DZIP1: variants seen among roughly 807,000 people sequenced by gnomAD.
DZIP1 encodes cilium assembly protein DZIP1.
A neutral mutation model predicts 107.6 loss-of-function variants in DZIP1; 97 were observed. The ratio of observed to expected loss-of-function variants is 0.90; its 90% CI spans 0.77 to 1.07. The LOEUF is 1.07. Among genes scored for constraint, DZIP1 ranks in the 50% least tolerant of loss-of-function variants. The pLI, the probability that DZIP1 is intolerant of heterozygous loss-of-function variation, is 0.00. For synonymous variants in DZIP1, 390 were observed against 386.4 expected, an observed-to-expected ratio of 1.01 and a Z score of -0.11; for missense variants, 1,035 against 1,063.6, an observed-to-expected ratio of 0.97 and a Z score of 0.37.
At chr13:95,617,836 T>C (rs1443854856) in intron 10 of DZIP1, 2 of 505,056 alleles carry the variant, frequency 4.0e-6, no homozygotes, top group African/African-American at 1.9e-5. Context: ...GGAGGCTTAG[T>C]TAATGCAGGG....
At chr13:95,590,858 A>C (rs989164475) in intron 16 of DZIP1, among the ~76,000 whole-genome samples, 1 of 152,154 alleles carries the variant, frequency 6.6e-6, no homozygotes, top group Non-Finnish European at 1.5e-5. Context: ...GACACCTGTG[A>C]GAAAGGAAGC....
chr13:95,611,294 T>C (rs1355235638), intron 12 of DZIP1, 151 bp downstream of exon 12: 1 of 643,558 alleles, frequency 1.6e-6, no homozygotes, highest in Non-Finnish European at 2.8e-6. Flanking sequence ...ATCTCTCAAA[T>C]TAAAATAATA....
intron 13 of DZIP1, among the ~76,000 whole-genome samples, chr13:95,608,205 T>C (rs1240226436): frequency 2.6e-5 from 4 of 152,148 alleles, no homozygotes; most frequent in Non-Finnish European, 5.9e-5. Flanking sequence ...GTGGCATCCA[T>C]ATTTTTTTGA....
intron 9 of DZIP1, among the ~76,000 whole-genome samples, 168 bp downstream of exon 9, chr13:95,622,175 A>G (rs1414593665): frequency 2.0e-5 from 3 of 152,332 alleles, no homozygotes; most frequent in Non-Finnish European, 4.4e-5. Flanking sequence ...CAAGCATGTA[A>G]CAAACACCTC....
intron 11 of DZIP1, 62 bp from the exon 12 acceptor site, chr13:95,611,555 A>T: frequency 7.9e-7 from 1 of 1,258,490 alleles, no homozygotes; most frequent in Non-Finnish European, 1.2e-6. Context: ...CACACATGGG[A>T]TAATGGACAG....
At position 95,641,814 on chromosome 13, in the gene DZIP1, T is replaced by C. The variant is rs1440436406; in HGVS notation, c.78A>G (p.Pro26=). 4 of 1,362,008 alleles carry C rather than the reference T, an allele frequency of 2.9e-6. No individual in the cohort carries two copies. Among genetic ancestry groups the C allele is most frequent in the Non-Finnish European group, 3.8e-6 (4 of 1,052,860 alleles). The allele number at this position is 1,362,008 out of a possible 1,614,324, so 84.4% of individuals were successfully genotyped here. The part of the protein sequence containing the change: ...KHVYYPLASG[P]EGPDVAVAAA... ...CGGCCACAGCGACGTCGGGCCCCTCTGGGCCGCTGGCGAGCGGGTAGTAGA... is the reference window on the plus strand; with the variant it reads ...CGGCCACAGCGACGTCGGGCCCCTCCGGGCCGCTGGCGAGCGGGTAGTAGA... Residue 26 remains proline, a synonymous_variant, in exon 5 of 23, where the codon CCA becomes CCG. Transcript: ENST00000376829. This position sits in a 1 kb window ranked among gnomAD's most constrained non-coding sequence, Gnocchi z 4.3.
At position 95,582,140 on chromosome 13, in the gene DZIP1, A is replaced by G; in HGVS notation, c.*94T>C. ...TCTGTGTTGCTGTGGGAAACACGGTAAGGCAGAAGCACTAGAATCATGGAG... is the reference window on the plus strand; with the variant it reads ...TCTGTGTTGCTGTGGGAAACACGGTGAGGCAGAAGCACTAGAATCATGGAG... On this transcript the variant is annotated 3_prime_UTR_variant, in exon 23 of 23. Coordinates refer to ENST00000376829, the MANE Select transcript of DZIP1 (RefSeq NM_198968.4). 8.4e-7 allele frequency: 1 copy of G among 1,193,616 alleles called. No homozygotes were observed. Among genetic ancestry groups the G allele is most frequent in the African/African-American group, 1.5e-5 (1 of 66,788 alleles). The allele number at this position is 1,193,616 out of a possible 1,614,324, so 73.9% of individuals were successfully genotyped here.
intron 10 of DZIP1, among the ~76,000 whole-genome samples, chr13:95,618,762 C>G (rs754057771): frequency 5.3e-5 from 8 of 152,040 alleles, no homozygotes; most frequent in Non-Finnish European, 8.8e-5. Context: ...GTTTAATATT[C>G]TACTAAGAAA....
chr13:95,601,227 G>C (rs1373241572), intron 14 of DZIP1, among the ~76,000 whole-genome samples: 1 of 152,214 alleles, frequency 6.6e-6, no homozygotes, highest in East Asian at 1.9e-4. Flanking sequence ...ACAAGGGCTG[G>C]GGAAGTGAGG....
chr13:95,635,103 T>C (rs1222502904), intron 5 of DZIP1, among the ~76,000 whole-genome samples: 3 of 152,204 alleles, frequency 2.0e-5, no homozygotes, highest in African/African-American at 4.8e-5. Flanking sequence ...TCACTGAACA[T>C]GTTCTTTTGT....
intron 5 of DZIP1, among the ~76,000 whole-genome samples, chr13:95,640,749 A>G (rs926939168): frequency 6.6e-6 from 1 of 152,206 alleles, no homozygotes; most frequent in African/African-American, 2.4e-5. Context: ...AATATTTAGG[A>G]TCTGCAACTC....
At chr13:95,607,009 C>T (rs2044800254) in intron 13 of DZIP1, among the ~76,000 whole-genome samples, 1 of 152,026 alleles carries the variant, frequency 6.6e-6, no homozygotes, top group Non-Finnish European at 1.5e-5. Context: ...CTAATCTTAC[C>T]CTAAAAAATA....
In DZIP1 at chr13:95,622,204, G is replaced by A. The variant is rs148719845; in HGVS notation, c.1110+139C>T. 6.8e-5 allele frequency: 72 copies of A among 1,059,462 alleles called. 1 individual carries two copies. The East Asian group carries it at 1.7e-3, about 26-fold the overall frequency. The allele number at this position is 1,059,462 out of a possible 1,614,324, so 65.6% of individuals were successfully genotyped here. A position where few individuals can be genotyped will look rare whatever the true frequency, so the allele number is the denominator to read the frequency against. ...ACACCTCTTATGATTTAGGCATGCT[G>A]TAGGAGAAAAATAACAGCTAGTCAC... On this transcript the variant is annotated intron_variant, in intron 9 of 22. Coordinates refer to ENST00000376829, the MANE Select transcript of DZIP1 (RefSeq NM_198968.4).
chr13:95,635,634 G>A (rs548978448), intron 5 of DZIP1, among the ~76,000 whole-genome samples: 3 of 152,240 alleles, frequency 2.0e-5, no homozygotes, highest in African/African-American at 4.8e-5. Flanking sequence ...AAGTCATATA[G>A]GCTCTCGGGC....
intron 12 of DZIP1, 31 bp downstream of exon 12, chr13:95,611,414 T>C (rs1330185306): frequency 3.7e-6 from 6 of 1,602,174 alleles, no homozygotes; most frequent in Non-Finnish European, 1.7e-6. Context: ...AGGTTCCCCT[T>C]GCCGCCAGTA....
rs1005771834 is a variant in DZIP1, at chr13:95,578,922, G to A, written c.*3312C>T. Reference sequence around the variant, plus strand: ...TGTGGCACATCCATGTTAAGGGGCTGAGGCGTCCCTGGCACGGAATGCAGA... The same window carrying A: ...TGTGGCACATCCATGTTAAGGGGCTAAGGCGTCCCTGGCACGGAATGCAGA... On this transcript the variant is annotated 3_prime_UTR_variant, in exon 23 of 23. Coordinates refer to ENST00000376829, the MANE Select transcript of DZIP1 (RefSeq NM_198968.4). 6.6e-6 allele frequency: 1 copy of A among 152,232 alleles called. No homozygotes were observed. Among genetic ancestry groups the A allele is most frequent in the African/African-American group, 2.4e-5 (1 of 41,450 alleles). 9.4% of individuals were successfully genotyped at this position (152,232 alleles called of 1,614,324 possible).
In DZIP1 at chr13:95,597,412, C is replaced by T. The variant is rs150906371; in HGVS notation, c.1537+1953G>A. Reference sequence around the variant, plus strand: ...AGTAAATGATATGTATGTAGGAGAGCGGAAGCATGTTACTTGCAAGCAAAA... The same window carrying T: ...AGTAAATGATATGTATGTAGGAGAGTGGAAGCATGTTACTTGCAAGCAAAA... On this transcript the variant is annotated intron_variant, in intron 15 of 22. Transcript: ENST00000376829. Among the ~76,000 whole-genome samples the T allele has an allele frequency of 1.6e-3, 242 of 152,276 alleles. 1 individual carries two copies. The highest frequency in any genetic ancestry group is 2.7e-3 in the Non-Finnish European group (184 of 68,018).
intron 7 of DZIP1, among the ~76,000 whole-genome samples, chr13:95,629,108 C>T (rs548429672): frequency 6.6e-6 from 1 of 152,154 alleles, no homozygotes; most frequent in Non-Finnish European, 1.5e-5. Context: ...TGCTGTTATC[C>T]CTAGAAAGTC....
At chr13:95,584,712 G>C (rs1224381788) in intron 22 of DZIP1, 24 bp downstream of exon 22, 1 of 1,602,816 alleles carries the variant, frequency 6.2e-7, no homozygotes, top group Non-Finnish European at 8.5e-7. Context: ...GATCGAGCTT[G>C]TATTAGAGGG....
Sources: gnomAD v4.1 joint callset for allele counts (sites outside exome capture counted in the v4.1 genomes callset) on GRCh38, gnomAD v4.1.1 for gene constraint, Gnocchi (gnomAD v3.1) non-coding constraint, MANE v1.5 for transcripts, NCBI Gene and HGNC (gene_info 2026-07-23, HGNC 2026-07-21) for gene names.